The following BAZ1A variants were observed in gnomAD, a reference collection of about 807,000 sequenced individuals.
BAZ1A encodes the protein bromodomain adjacent to zinc finger domain 1A.
In BAZ1A, 50 loss-of-function variants were observed where a neutral mutation model predicts 185.2. The observed-to-expected ratio is 0.27, with a 90% CI of 0.22 to 0.34. The LOEUF (loss-of-function observed/expected upper bound fraction) is 0.34, where lower values mean the gene tolerates loss of function less well. Ranked by LOEUF, BAZ1A falls within the 10% of genes least tolerant of loss-of-function variation. The pLI is 1.00. For missense variants in BAZ1A, 1,356 were observed against 1,839.9 expected (o/e 0.74, Z 4.81); for synonymous variants, 571 against 615.6 (o/e 0.93, Z 1.07).
At chr14:34,787,946 G>A (rs769115717) in intron 12 of BAZ1A, among the ~76,000 whole-genome samples, 3 of 152,032 alleles carry the variant, frequency 2.0e-5, no homozygotes, top group Non-Finnish European at 4.4e-5. Context: ...GTCAGATAAT[G>A]TATATTCTAG....
At chr14:34,858,230 A>G (rs2042712466) in intron 3 of BAZ1A, among the ~76,000 whole-genome samples, 1 of 152,072 alleles carries the variant, frequency 6.6e-6, no homozygotes, top group African/African-American at 2.4e-5. Flanking sequence ...AAGATGACTA[A>G]TTTTATGTTG....
At position 34,795,685 on chromosome 14, in the gene BAZ1A, T is replaced by G. The variant is rs374366102; in HGVS notation, c.1209A>C (p.Glu403Asp). 2.5e-6 allele frequency: 4 copies of G among 1,611,294 alleles called. No homozygotes were observed. The highest frequency in any genetic ancestry group is 1.7e-5 in the Admixed American group (1 of 59,668). Residue 403 changes from glutamate to aspartate, a missense_variant, in exon 10 of 27, where the codon GAA (glutamate) becomes GAC (aspartate). Around this residue, in one of 7 missense-constraint regions of BAZ1A, gnomAD observed 184 missense variants for 355.1 expected, o/e 0.52. Transcript: ENST00000360310. ...KQWSKPREDM[E>D]CDDLKELPEP... ...ATGTTTATACCTTAAGGTCATCACA[T>G]TCCATATCTTCTCTAGGTTTACTCC...
chr14:34,774,504 CAA>C lies in BAZ1A; in HGVS notation c.2834-16_2834-15del, dbSNP rs1429449418. The C allele has an allele frequency of 6.5e-7, 1 of 1,531,514 alleles. No individual in the cohort carries two copies. The highest frequency in any genetic ancestry group is 1.4e-5 in the African/African-American group (1 of 71,294). 94.9% of individuals were successfully genotyped at this position (1,531,514 alleles called of 1,614,324 possible). On this transcript the variant is annotated splice_polypyrimidine_tract_variant and intron_variant, in intron 18 of 26. Coordinates refer to ENST00000360310, the MANE Select transcript of BAZ1A (RefSeq NM_013448.3). The stretch of plus-strand genomic sequence containing the variant: ...GCTGAGGTTTGTCTGAAATAGTAAT[CAA>C]ATACTTTTATTATGATTTTCTTATT...
chr14:34,759,171 G>GTTTTTTTTTTTTT lies in BAZ1A; in HGVS notation c.4244-338_4244-326dup, dbSNP rs780287749. ...TTATTAAAAATACTTTACAGCTACAGTTTTTTTTTTTTTTTTTTTTTTTTT... is the reference window on the plus strand; with the variant it reads ...TTATTAAAAATACTTTACAGCTACAGTTTTTTTTTTTTTTTTTTTTTTTTTTTTTTTTTTTTTT... On this transcript the variant is annotated intron_variant, in intron 24 of 26. Transcript: ENST00000360310. 1.5e-4 allele frequency among the ~76,000 whole-genome samples: 10 copies of GTTTTTTTTTTTTT among 66,466 alleles called. 1 individual carries two copies. The highest frequency in any genetic ancestry group is 1.6e-4 in the Non-Finnish European group (6 of 38,652). The allele number at this position is 66,466 out of a possible 152,430, so 43.6% of individuals were successfully genotyped here. A position where few individuals can be genotyped will look rare whatever the true frequency, so the allele number is the denominator to read the frequency against.
intron 21 of BAZ1A, among the ~76,000 whole-genome samples, chr14:34,765,570 G>C (rs974647095): frequency 2.0e-5 from 3 of 152,170 alleles, no homozygotes; most frequent in Non-Finnish European, 2.9e-5. Context: ...ATCAAATCTT[G>C]AGCTAATTTT....
At chr14:34,839,283 C>T (rs996490049) in intron 3 of BAZ1A, among the ~76,000 whole-genome samples, 53 of 152,210 alleles carry the variant, frequency 3.5e-4, no homozygotes, top group African/African-American at 1.2e-3. Context: ...CAGTGGCACA[C>T]GCCTGTAATC....
chr14:34,868,542 G>A (rs2042898126), intron 2 of BAZ1A, among the ~76,000 whole-genome samples: 2 of 152,150 alleles, frequency 1.3e-5, no homozygotes, highest in African/African-American at 2.4e-5. Context: ...CGTGACTCAC[G>A]CCTGTAATCC....
In BAZ1A at chr14:34,801,104, C is replaced by T. The variant is rs545771909; in HGVS notation, c.951G>A (p.Met317Ile). ...AATGTTAAAACTCACCCAGTGACTT[C>T]ATTTCTTCTTGTTTCAAAAGTTTAT... ...ERDKLLKQEE[M>I]KSLAFEKAKL... The change falls in exon 8 of 27, where the codon ATG becomes ATA. Residue 317 changes from methionine (M) to isoleucine (I), a missense_variant. Coordinates refer to ENST00000360310, the MANE Select transcript of BAZ1A (RefSeq NM_013448.3). 7.8e-5 allele frequency: 124 copies of T among 1,594,402 alleles called. No individual in the cohort carries two copies. The South Asian group carries it at 1.1e-3, about 15-fold the overall frequency.
At chr14:34,818,128 A>G (rs2042034330) in intron 4 of BAZ1A, among the ~76,000 whole-genome samples, 1 of 152,254 alleles carries the variant, frequency 6.6e-6, no homozygotes, top group Non-Finnish European at 1.5e-5. Context: ...AAAATGTGAT[A>G]TACACATACA....
chr14:34,762,254 G>T, intron 23 of BAZ1A, 31 bp from the exon 24 acceptor site: 1 of 1,586,240 alleles, frequency 6.3e-7, no homozygotes, highest in African/African-American at 1.4e-5. Flanking sequence ...CACAATTATT[G>T]TACAGAGCAA....
chr14:34,832,215 C>CACACACACACAT, intron 3 of BAZ1A, among the ~76,000 whole-genome samples: 4 of 89,710 alleles, frequency 4.5e-5, no homozygotes, highest in Admixed American at 1.4e-4. Flanking sequence ...CACACACACA[C>CACACACACACAT]ATATATATAT....
rs112493687 is a variant in BAZ1A at position 34,762,924 on chromosome 14, T to C, written c.3777-701A>G. Among the ~76,000 whole-genome samples, 485 of 152,310 alleles carry C rather than the reference T, an allele frequency of 3.2e-3. 3 individuals carry two copies. The highest frequency in any genetic ancestry group is 0.011 in the African/African-American group (466 of 41,556). On this transcript the variant is annotated intron_variant, in intron 23 of 26. Coordinates refer to ENST00000360310, the MANE Select transcript of BAZ1A (RefSeq NM_013448.3). ...GAAGTAATCTTAAAATGAAATTCTT[T>C]TGTCTCCTTTTGCTACAGGAGACTA...
intron 24 of BAZ1A, among the ~76,000 whole-genome samples, chr14:34,761,010 G>A (rs1291588519): frequency 6.6e-6 from 1 of 152,114 alleles, no homozygotes; most frequent in African/African-American, 2.4e-5. Context: ...CAGGCGCGGT[G>A]GCTCACGCCT....
intron 14 of BAZ1A, 137 bp downstream of exon 14, chr14:34,785,640 A>G: frequency 5.9e-6 from 4 of 675,622 alleles, no homozygotes; most frequent in Non-Finnish European, 9.8e-6. Flanking sequence ...GTTAATATGA[A>G]TAATAACAAT....
chr14:34,857,163 C>T (rs1273499812), intron 3 of BAZ1A, among the ~76,000 whole-genome samples: 5 of 151,804 alleles, frequency 3.3e-5, no homozygotes, highest in Non-Finnish European at 5.9e-5. Flanking sequence ...CCCGCCACTA[C>T]GCCTGGCTAA....
intron 3 of BAZ1A, among the ~76,000 whole-genome samples, chr14:34,851,823 T>A (rs1185531886): frequency 6.6e-6 from 1 of 152,026 alleles, no homozygotes; most frequent in African/African-American, 2.4e-5. Context: ...TCTGTTTGCA[T>A]GGCGTTCTTA....
intron 3 of BAZ1A, among the ~76,000 whole-genome samples, chr14:34,845,635 C>T (rs1003893810): frequency 2.2e-4 from 34 of 151,774 alleles, no homozygotes; most frequent in African/African-American, 8.0e-4. Flanking sequence ...CCGAGGTGGG[C>T]GGATCACGAG....
chr14:34,772,186 C>T (rs1338059722), intron 20 of BAZ1A, among the ~76,000 whole-genome samples: 1 of 152,052 alleles, frequency 6.6e-6, no homozygotes, highest in East Asian at 1.9e-4. Context: ...GAATGCCTGA[C>T]CTCATGATTC....
chr14:34,871,638 C>T (rs553886917), intron 2 of BAZ1A, among the ~76,000 whole-genome samples: 80 of 152,316 alleles, frequency 5.3e-4, no homozygotes, highest in African/African-American at 1.9e-3. Context: ...TTCGGGAGGC[C>T]GAGGCAGGTG....
Sources: allele counts gnomAD v4.1 joint callset (sites outside exome capture counted in the v4.1 genomes callset), GRCh38; gene constraint gnomAD v4.1.1; regional missense constraint gnomAD v4.1.1; transcripts MANE v1.5; gene names NCBI Gene and HGNC (gene_info 2026-07-23, HGNC 2026-07-21).